UIMC1: variants seen among roughly 807,000 people sequenced by gnomAD.
The protein encoded by UIMC1 is BRCA1-A complex subunit RAP80.
A neutral mutation model predicts 84.9 loss-of-function variants in UIMC1; 42 were observed. The observed-to-expected ratio is 0.49, with a 90% confidence interval of 0.39 to 0.64. UIMC1 has a LOEUF of 0.64. Among genes scored for constraint, UIMC1 ranks in the 30% least tolerant of loss-of-function variants. UIMC1 has a pLI of 0.00. For synonymous variants in UIMC1, 281 were observed against 293.0 expected, an observed-to-expected ratio of 0.96 and a Z score of 0.42; for missense variants, 825 against 847.6, an observed-to-expected ratio of 0.97 and a Z score of 0.33.
chr5:176,960,283 C>A (rs1336323096), intron 6 of UIMC1, among the ~76,000 whole-genome samples: 1 of 152,146 alleles, frequency 6.6e-6, no homozygotes, highest in Non-Finnish European at 1.5e-5. Context: ...CTCAGATGAT[C>A]CTCTTCCTAA....
upstream of UIMC1, among the ~76,000 whole-genome samples, chr5:177,007,552 T>C (rs1775409864): frequency 6.6e-6 from 1 of 152,182 alleles, no homozygotes; most frequent in African/African-American, 2.4e-5. Flanking sequence ...TGTGTCAACA[T>C]TTGCTAGGTC....
intron 10 of UIMC1, among the ~76,000 whole-genome samples, chr5:176,938,878 T>A (rs1764055810): frequency 6.6e-6 from 1 of 152,078 alleles, no homozygotes; most frequent in Non-Finnish European, 1.5e-5. Flanking sequence ...TATTTCACCA[T>A]TGATAATGCA....
At position 176,951,494 on chromosome 5, in the gene UIMC1, T is replaced by C. The variant is rs372308239; in HGVS notation, c.1423A>G (p.Ile475Val). The change falls in exon 9 of 15, where the codon ATA (isoleucine) becomes GTA (valine). Residue 475 changes from isoleucine to valine, a missense_variant. By Grantham distance (29) the Ile-to-Val change is conservative (BLOSUM62 3). Coordinates refer to ENST00000511320, the MANE Select transcript of UIMC1 (RefSeq NM_001199298.2). The stretch of plus-strand genomic sequence containing the variant: ...TTCACCTCCTTATCTGCCATTATTA[T>C]TCTGACTCCATCCAAGATATCTCTG... The part of the protein sequence containing the change: ...GSRDILDGVR[I>V]IMADKEVGNK... The C allele has an allele frequency of 3.8e-6, 6 of 1,566,688 alleles. No individual in the cohort carries two copies. The African/African-American group carries it at 5.5e-5, about 14-fold the overall frequency.
In UIMC1 at chr5:176,960,661, CCGTCT is replaced by C. The variant is rs1561829976; in HGVS notation, c.1201-2512_1201-2508del. Among the ~76,000 whole-genome samples, 2 of 32,014 alleles carry C rather than the reference CCGTCT, an allele frequency of 6.2e-5. 1 individual carries two copies. Among genetic ancestry groups the C allele is most frequent in the East Asian group, 1.5e-3 (2 of 1,332 alleles). The allele number at this position is 32,014 out of a possible 152,430, so 21.0% of individuals were successfully genotyped here. A position where few individuals can be genotyped will look rare whatever the true frequency, so the allele number is the denominator to read the frequency against. ...TCCGTCTCCGTCTCCGTCTCCGTCT[CCGTCT>C]CCCCACGGTCTCCCTCTCATGCGGA... On this transcript the variant is annotated intron_variant, in intron 6 of 14. Transcript: ENST00000511320.
intron 1 of UIMC1, among the ~76,000 whole-genome samples, chr5:177,003,490 T>C (rs1481014550): frequency 6.6e-6 from 1 of 152,042 alleles, no homozygotes; most frequent in Non-Finnish European, 1.5e-5. Context: ...CCGTCTCTAC[T>C]AAAAATACAA....
rs1456260693 is a variant in UIMC1 at position 176,983,257 on chromosome 5, CCCT to C, written c.-8-637_-8-635del. ...CCTCTCCCCCTCCCCCTCCTCCTCT[CCCT>C]CCTTTCTTCAGTCTCCCTCTGTTGC... On this transcript the variant is annotated intron_variant, in intron 1 of 14. Transcript: ENST00000511320. Among the ~76,000 whole-genome samples, 241 of 151,940 alleles carry C rather than the reference CCCT, an allele frequency of 1.6e-3. 1 individual carries two copies. Among genetic ancestry groups the C allele is most frequent in the African/African-American group, 5.6e-3 (231 of 41,466 alleles).
chr5:176,915,173 T>TA (rs929894614), intron 10 of UIMC1, among the ~76,000 whole-genome samples: 127 of 152,222 alleles, frequency 8.3e-4, no homozygotes, highest in African/African-American at 3.0e-3. Context: ...CCTATTCACT[T>TA]ATATGTCAGT....
chr5:176,909,802 A>G (rs538654510), intron 11 of UIMC1, among the ~76,000 whole-genome samples: 1 of 152,344 alleles, frequency 6.6e-6, no homozygotes, highest in Non-Finnish European at 1.5e-5. Context: ...ATTCCCTACT[A>G]CATGAGAGAC....
At chr5:176,983,056 A>G (rs925724280) in intron 1 of UIMC1, among the ~76,000 whole-genome samples, 2 of 151,786 alleles carry the variant, frequency 1.3e-5, no homozygotes, top group African/African-American at 4.8e-5. Context: ...CTGGTATTGA[A>G]CTCCTGACCT....
At chr5:176,948,593 T>C (rs1765427577) in intron 9 of UIMC1, among the ~76,000 whole-genome samples, 1 of 152,240 alleles carries the variant, frequency 6.6e-6, no homozygotes, top group Non-Finnish European at 1.5e-5. Context: ...TATGTCTGTC[T>C]CCTCCCTTAC....
At chr5:176,936,848 G>A (rs1009994956) in intron 10 of UIMC1, among the ~76,000 whole-genome samples, 20 of 151,910 alleles carry the variant, frequency 1.3e-4, no homozygotes, top group African/African-American at 3.9e-4. Context: ...CTGAGACCTC[G>A]GTATTCCCTA....
intron 3 of UIMC1, among the ~76,000 whole-genome samples, chr5:176,973,060 T>A (rs1456105126): frequency 6.6e-6 from 1 of 151,852 alleles, no homozygotes; most frequent in Non-Finnish European, 1.5e-5. Context: ...GGATTATAGG[T>A]GCCTGCCACC....
chr5:176,906,055 A>G lies in UIMC1; in HGVS notation c.1913-8T>C, dbSNP rs376422327. 1.0e-4 allele frequency: 165 copies of G among 1,613,580 alleles called. No homozygotes were observed. The African/African-American group carries it at 1.9e-3, about 19-fold the overall frequency. On this transcript the variant is annotated splice_region_variant and splice_polypyrimidine_tract_variant and intron_variant, in intron 13 of 14. Transcript: ENST00000511320. ...AAGACTTGATGTCTGCATCTGTGAT[A>G]TAAAAGAAAAAATAATAATGTTGGT...
chr5:176,942,036 G>C (rs142490551), intron 10 of UIMC1, among the ~76,000 whole-genome samples: 1,745 of 152,144 alleles, frequency 0.011, 11 homozygotes, highest in South Asian at 0.025. Context: ...GTAGAGACAG[G>C]GTTTCACCAC....
chr5:176,954,184 G>T (rs1766271889), intron 8 of UIMC1, among the ~76,000 whole-genome samples: 1 of 152,130 alleles, frequency 6.6e-6, no homozygotes, highest in African/African-American at 2.4e-5. Flanking sequence ...GGCCTTTCAA[G>T]ATCAATATAT....
At position 177,000,238 on chromosome 5, in the gene UIMC1, G is replaced by A. The variant is rs1774247003; in HGVS notation, c.-9+6412C>T. Among the ~76,000 whole-genome samples, 2 of 152,144 alleles carry A rather than the reference G, an allele frequency of 1.3e-5. 1 individual carries two copies. The highest frequency in any genetic ancestry group is 4.1e-4 in the South Asian group (2 of 4,824). On this transcript the variant is annotated intron_variant, in intron 1 of 14. Coordinates refer to ENST00000511320, the MANE Select transcript of UIMC1 (RefSeq NM_001199298.2). ...CAAAGTGCTGGGATTACCGGCATAA[G>A]CCACCGCGCCCGGCATACTTTTAGT...
chr5:176,958,083 A>T lies in UIMC1; in HGVS notation c.1262+10T>A, dbSNP rs372757120. ...CAGAGGAGAATGCATAGCAACATAT[A>T]ATCTCTCACCTTTGTGAAGCAGGTA... On this transcript the variant is annotated intron_variant, in intron 7 of 14. Coordinates refer to ENST00000511320, the MANE Select transcript of UIMC1 (RefSeq NM_001199298.2). 6 of 1,613,098 alleles carry T rather than the reference A, an allele frequency of 3.7e-6. No homozygotes were observed. The South Asian group carries it at 6.6e-5, about 18-fold the overall frequency.
chr5:176,978,804 A>G (rs948798420), intron 2 of UIMC1, among the ~76,000 whole-genome samples: 1 of 152,198 alleles, frequency 6.6e-6, no homozygotes, highest in Non-Finnish European at 1.5e-5. Flanking sequence ...CTGATTAAAC[A>G]TAATTCCTAA....
intron 10 of UIMC1, among the ~76,000 whole-genome samples, chr5:176,931,174 T>A (rs1014578492): frequency 3.7e-4 from 56 of 152,204 alleles, no homozygotes; most frequent in African/African-American, 1.3e-3. Flanking sequence ...TATTAATAGA[T>A]AATTATAGTC....
Sources: allele counts gnomAD v4.1 joint callset (sites outside exome capture counted in the v4.1 genomes callset), GRCh38; gene constraint gnomAD v4.1.1; transcripts MANE v1.5; gene names NCBI Gene and HGNC (gene_info 2026-07-23, HGNC 2026-07-21).